Variants in TMPRSS9 observed in about 807,000 individuals in gnomAD.
The protein encoded by TMPRSS9 is transmembrane protease serine 9.
In TMPRSS9, 113 loss-of-function variants were observed where a neutral mutation model predicts 111.4. That is an observed-to-expected ratio of 1.01 (90% CI 0.87 to 1.19). The LOEUF (loss-of-function observed/expected upper bound fraction) is 1.19. TMPRSS9 is among the 50% of genes most tolerant of loss of function. TMPRSS9 has a pLI of 0.00. For missense variants in TMPRSS9, 1,803 were observed against 1,513.1 expected (o/e 1.19, Z -3.18); for synonymous variants, 805 against 659.1 (o/e 1.22, Z -3.39).
At chr19:2,424,542 C>T (rs570539662) in intron 15 of TMPRSS9, among the ~76,000 whole-genome samples, 4 of 140,522 alleles carry the variant, frequency 2.8e-5, no homozygotes, top group Non-Finnish European at 4.7e-5. Context: ...CGGCCCCCCC[C>T]CTCCAGCTCC....
At chr19:2,405,230 G>A in intron 6 of TMPRSS9, 144 bp from the exon 8 acceptor site, 1 of 986,528 alleles carries the variant, frequency 1.0e-6, no homozygotes, top group Non-Finnish European at 1.4e-6. Context: ...GACCCCAGAA[G>A]AGTCAGGGAA....
intron 1 of TMPRSS9, among the ~76,000 whole-genome samples, chr19:2,376,419 GTTA>G (rs1281635069): frequency 4.6e-5 from 7 of 152,036 alleles, no homozygotes; most frequent in African/African-American, 1.7e-4. Context: ...GGATGTCAGA[GTTA>G]TTATTCTGTG....
In TMPRSS9 at chr19:2,418,323, C is replaced by CTTTCCT. The variant is rs1245588781; in HGVS notation, c.2154+186_2154+187insTTCCTT. ...TCCCTCCCTTTCCCTCCCTCCCTCC[C>CTTTCCT]TCCCTCCCTTTCCTTCCCTCCCTTT... On this transcript the variant is annotated intron_variant, in intron 13 of 17. Coordinates refer to ENST00000648592, the Ensembl canonical transcript of TMPRSS9. 2.6e-4 allele frequency among the ~76,000 whole-genome samples: 11 copies of CTTTCCT among 41,962 alleles called. 2 individuals carry two copies. Among genetic ancestry groups the CTTTCCT allele is most frequent in the African/African-American group, 1.2e-3 (5 of 4,238 alleles). The allele number at this position is 41,962 out of a possible 152,430, so 27.5% of individuals were successfully genotyped here. A position where few individuals can be genotyped will look rare whatever the true frequency, so the allele number is the denominator to read the frequency against.
chr19:2,396,859 A>G (rs1282413095), intron 2 of TMPRSS9, among the ~76,000 whole-genome samples, 193 bp downstream of exon 3: 1 of 151,286 alleles, frequency 6.6e-6, no homozygotes, highest in Non-Finnish European at 1.5e-5. Flanking sequence ...CCTGCAAGGC[A>G]GAGCTGTATC....
intron 6 of TMPRSS9, among the ~76,000 whole-genome samples, chr19:2,404,595 T>C (rs756757711): frequency 2.0e-5 from 3 of 149,044 alleles, no homozygotes; most frequent in Non-Finnish European, 3.0e-5. Context: ...AGATAGAAGA[T>C]ACAAAGGAAA....
rs138235825 is a variant in TMPRSS9, at chr19:2,405,339, C to T, written c.671-35C>T. 1,286 of 1,555,642 alleles carry T rather than the reference C, an allele frequency of 8.3e-4. 5 individuals carry two copies. The East Asian group carries it at 0.014, about 17-fold the overall frequency. On this transcript the variant is annotated intron_variant, in intron 6 of 17. Transcript: ENST00000648592. ...GGAGTTCAGGGTGAGGTCCTGCCTTCGTGGGGTCATGGCTGGTGACCTGCT... is the reference window on the plus strand; with the variant it reads ...GGAGTTCAGGGTGAGGTCCTGCCTTTGTGGGGTCATGGCTGGTGACCTGCT...
At chr19:2,387,949 T>A (rs1229301285), upstream of TMPRSS9, among the ~76,000 whole-genome samples, 12 of 151,726 alleles carry the variant, frequency 7.9e-5, no homozygotes, top group Admixed American at 7.2e-4. Context: ...GACGGGATGC[T>A]GGTGGGCTGT....
intron 7 of TMPRSS9, 50 bp from the exon 9 acceptor site, chr19:2,408,306 C>T: frequency 6.3e-7 from 1 of 1,588,066 alleles, no homozygotes; most frequent in Non-Finnish European, 8.6e-7. Context: ...TCTGCCTCCC[C>T]CGACGGCTCT....
At chr19:2,419,872 A>G (rs1033074598) in intron 13 of TMPRSS9, among the ~76,000 whole-genome samples, 1 of 152,122 alleles carries the variant, frequency 6.6e-6, no homozygotes, top group Non-Finnish European at 1.5e-5. Context: ...CAGACAGGTT[A>G]ATTTTCAGGC....
intron 4 of TMPRSS9, among the ~76,000 whole-genome samples, chr19:2,399,866 G>C (rs572992206): frequency 6.6e-6 from 1 of 152,196 alleles, no homozygotes; most frequent in South Asian, 2.1e-4. Context: ...GAGTAGCTGG[G>C]ATTACAGGCA....
intron 7 of TMPRSS9, among the ~76,000 whole-genome samples, chr19:2,408,090 G>C (rs918757036): frequency 6.6e-6 from 1 of 150,608 alleles, no homozygotes. Flanking sequence ...CCTGTTTTTT[G>C]TTGTTGTTTT....
At chr19:2,418,037 G>A in exon 13 of TMPRSS9, 1 of 1,612,210 alleles carries the variant, frequency 6.2e-7, no homozygotes, top group African/African-American at 1.3e-5. Flanking sequence ...GGCGTCCGTG[G>A]GCATCATAGA....
Position 2,363,046 on chromosome 19 carries a change from G to A in TMPRSS9, c.-26+2686G>A, listed in dbSNP as rs570657278. Among the ~76,000 whole-genome samples, 333 of 152,308 alleles carry A rather than the reference G, an allele frequency of 2.2e-3. 4 individuals are homozygous for A. Among genetic ancestry groups the A allele is most frequent in the African/African-American group, 7.0e-3 (292 of 41,572 alleles). On this transcript the variant is annotated intron_variant, in intron 1 of 17. Transcript: ENST00000649857. The stretch of plus-strand genomic sequence containing the variant: ...TCCCAGCGCTCAGGCTGGCCTGACC[G>A]TGGGGTAATTGGGCCCTGCAGAGCC...
At chr19:2,369,568 G>A (rs1012947900) in intron 1 of TMPRSS9, among the ~76,000 whole-genome samples, 6 of 150,892 alleles carry the variant, frequency 4.0e-5, no homozygotes, top group Admixed American at 2.0e-4. Flanking sequence ...GGGACTACAG[G>A]TGTGTGCTAC....
In TMPRSS9 at chr19:2,416,477, C is replaced by T. The variant is rs1971233295; in HGVS notation, c.1746-61C>T. Reference sequence around the variant, plus strand: ...CTGGGGGTGTGCATCAGCCCTGTCCCTCCCCAAGAAGGCGGGCATGTGCTG... The same window carrying T: ...CTGGGGGTGTGCATCAGCCCTGTCCTTCCCCAAGAAGGCGGGCATGTGCTG... On this transcript the variant is annotated intron_variant, in intron 11 of 17. Transcript: ENST00000648592. The T allele has an allele frequency of 3.4e-5, 53 of 1,553,932 alleles. 2 individuals are homozygous for T. The South Asian group carries it at 6.3e-4, about 19-fold the overall frequency.
chr19:2,369,274 TA>T (rs1474301923), intron 1 of TMPRSS9, among the ~76,000 whole-genome samples: 4 of 152,214 alleles, frequency 2.6e-5, no homozygotes, highest in African/African-American at 7.2e-5. Context: ...AATTTTTTTG[TA>T]CCTGGGTGAG....
At chr19:2,422,546 C>T (rs541556945) in intron 14 of TMPRSS9, among the ~76,000 whole-genome samples, 80 of 152,172 alleles carry the variant, frequency 5.3e-4, no homozygotes, top group African/African-American at 1.9e-3. Flanking sequence ...CACTGCACTC[C>T]AGCCTGGCAA....
In TMPRSS9 at chr19:2,382,740, C is replaced by T. The variant is rs534571901; in HGVS notation, c.-25-7021C>T. On this transcript the variant is annotated intron_variant, in intron 1 of 17. Transcript: ENST00000649857. ...ATGCACACAGATACATACGCACAAA[C>T]GCACACATCCACACATACACAGATG... Among the ~76,000 whole-genome samples the T allele has an allele frequency of 3.6e-3, 549 of 151,552 alleles. 1 individual carries two copies. Among genetic ancestry groups the T allele is most frequent in the South Asian group, 5.0e-3 (24 of 4,776 alleles).
At chr19:2,397,441 C>T (rs1970734077) in intron 2 of TMPRSS9, among the ~76,000 whole-genome samples, 1 of 152,042 alleles carries the variant, frequency 6.6e-6, no homozygotes, top group Admixed American at 6.6e-5. Context: ...CAGGCACCCA[C>T]CACCTAGGAT....
Sources: gnomAD v4.1 joint callset for allele counts (sites outside exome capture counted in the v4.1 genomes callset) on GRCh38, gnomAD v4.1.1 for gene constraint, MANE v1.5 for transcripts, NCBI Gene and HGNC (gene_info 2026-07-23, HGNC 2026-07-21) for gene names.